MED13: variants seen among roughly 807,000 people sequenced by gnomAD.
MED13 encodes mediator complex subunit 13.
A neutral mutation model predicts 225.2 loss-of-function variants in MED13; 23 were observed. That is an observed-to-expected ratio of 0.10 (90% confidence interval 0.07 to 0.14). The LOEUF is 0.14. Ranked by LOEUF, MED13 falls within the 10% of genes least tolerant of loss-of-function variation. MED13 has a pLI of 1.00. For synonymous variants in MED13, 942 were observed against 889.2 expected (o/e 1.06, Z -1.06); for missense variants, 2,197 against 2,594.5 (o/e 0.85, Z 3.33).
chr17:62,030,076 T>C, intron 6 of MED13, 63 bp from the exon 7 acceptor site: 6 of 1,343,048 alleles, frequency 4.5e-6, no homozygotes, highest in Non-Finnish European at 5.8e-6. Context: ...TAACATTATT[T>C]GGGTTTTTTA....
intron 2 of MED13, among the ~76,000 whole-genome samples, chr17:62,057,819 C>A (rs942974756): frequency 1.3e-5 from 2 of 152,084 alleles, no homozygotes; most frequent in Non-Finnish European, 2.9e-5. Context: ...TATTTTTAGC[C>A]CTGAGTTTTT....
At chr17:62,055,078 G>A (rs1279611310) in intron 2 of MED13, among the ~76,000 whole-genome samples, 1 of 152,146 alleles carries the variant, frequency 6.6e-6, no homozygotes, top group African/African-American at 2.4e-5. Context: ...CTGAAGCCAG[G>A]TGTGGTGGCT....
rs538025240 is a variant in MED13, at chr17:61,975,528, G to A, written c.3806-2640C>T. ...GCTGGTAGTTATGTAAAATGGTGCA[G>A]CTGCTATGGAAAACAATCTGGCGGT... On this transcript the variant is annotated intron_variant, in intron 16 of 29. Transcript: ENST00000397786. Among the ~76,000 whole-genome samples, 5 of 152,284 alleles carry A rather than the reference G, an allele frequency of 3.3e-5. No homozygotes were observed. In the East Asian group the frequency reaches 9.6e-4, roughly 29 times the overall value.
rs1241871608 is a variant in MED13 at position 61,972,738 on chromosome 17, C to T, written c.3956G>A (p.Arg1319Gln). ...TATAAATTACTTACCATAAGAGCCT[C>T]GGCCAGCCATTTTATGAAATTGTTG... ...TWQQFHKMAG[R>Q]GSYGTDESPE... Residue 1319 changes from arginine (R) to glutamine (Q), a missense_variant, in exon 17 of 30, where the codon CGA becomes CAA. Around this residue, in one of 12 missense-constraint regions of MED13, gnomAD observed 47 missense variants for 93.8 expected, o/e 0.50. Coordinates refer to ENST00000397786, the MANE Select transcript of MED13 (RefSeq NM_005121.3). 2 of 1,610,648 alleles carry T rather than the reference C, an allele frequency of 1.2e-6. No homozygotes were observed. Among genetic ancestry groups the T allele is most frequent in the Non-Finnish European group, 1.7e-6 (2 of 1,179,136 alleles).
chr17:62,057,277 C>A (rs2081003040), intron 2 of MED13, among the ~76,000 whole-genome samples: 1 of 152,028 alleles, frequency 6.6e-6, no homozygotes, highest in South Asian at 2.1e-4. Flanking sequence ...CATTAATAAC[C>A]TATACATTCA....
At position 62,053,485 on chromosome 17, in the gene MED13, T is replaced by C. The variant is rs545490869; in HGVS notation, c.302-780A>G. ...ATTAACACAGTCATTTTGAGATAAGTCTGGATGTAGGTCAGAAAAATTTTT... is the reference window on the plus strand; with the variant it reads ...ATTAACACAGTCATTTTGAGATAAGCCTGGATGTAGGTCAGAAAAATTTTT... On this transcript the variant is annotated intron_variant, in intron 2 of 29. Transcript: ENST00000397786. Among the ~76,000 whole-genome samples, 74 of 152,330 alleles carry C rather than the reference T, an allele frequency of 4.9e-4. No homozygotes were observed. The South Asian group carries it at 0.01, about 21-fold the overall frequency.
In MED13 at chr17:61,982,484, A is replaced by G; in HGVS notation, c.3519T>C (p.His1173=). 1 of 1,614,218 alleles carries G rather than the reference A, an allele frequency of 6.2e-7. No individual in the cohort carries two copies. The highest frequency in any genetic ancestry group is 1.7e-5 in the Admixed American group (1 of 60,024). ...FEALRATSAE[H]VNGGLKESEK... ...CAGATTCCTTTAGTCCTCCATTAAC[A>G]TGTTCAGCAGAGGTAGCCCTGAGAG... The change falls in exon 16 of 30, where the codon CAT becomes CAC. Residue 1173 remains histidine, a synonymous_variant. Transcript: ENST00000397786.
intron 2 of MED13, among the ~76,000 whole-genome samples, chr17:62,057,401 C>G (rs1397150077): frequency 6.6e-6 from 1 of 152,086 alleles, no homozygotes; most frequent in Non-Finnish European, 1.5e-5. Flanking sequence ...AGAAGATACA[C>G]TTGATCAAAA....
intron 20 of MED13, 75 bp from the exon 21 acceptor site, chr17:61,963,046 T>C (rs543025126): frequency 2.2e-5 from 26 of 1,207,802 alleles, no homozygotes; most frequent in South Asian, 1.9e-4. Context: ...AGGTTCTTAA[T>C]ATCCCCCTCC....
chr17:62,053,971 C>T (rs2080976832), intron 2 of MED13, among the ~76,000 whole-genome samples: 1 of 152,236 alleles, frequency 6.6e-6, no homozygotes, highest in East Asian at 1.9e-4. Flanking sequence ...AAATGATAGT[C>T]AAGTCTTTCA....
chr17:62,018,821 G>A (rs1242804346), intron 8 of MED13, among the ~76,000 whole-genome samples: 2 of 152,046 alleles, frequency 1.3e-5, no homozygotes, highest in African/African-American at 4.8e-5. Context: ...ATCTGTGAGG[G>A]TTCTAGAATA....
intron 27 of MED13, 55 bp from the exon 28 acceptor site, chr17:61,951,053 G>C: frequency 2.2e-6 from 3 of 1,393,782 alleles, no homozygotes; most frequent in Admixed American, 1.9e-5. Context: ...CTAAGTACCA[G>C]ATATAAACAC....
chr17:62,054,740 A>T (rs2080983652), intron 2 of MED13, among the ~76,000 whole-genome samples: 1 of 152,216 alleles, frequency 6.6e-6, no homozygotes, highest in African/African-American at 2.4e-5. Context: ...TAGAATATAC[A>T]TGTTCTTAAT....
intron 10 of MED13, among the ~76,000 whole-genome samples, chr17:61,994,516 A>G (rs1375870068): frequency 6.6e-6 from 1 of 152,168 alleles, no homozygotes; most frequent in Non-Finnish European, 1.5e-5. Flanking sequence ...ATCTTTGAAA[A>G]CTGGTAATTC....
At chr17:62,015,937 TA>T (rs2080568424) in intron 8 of MED13, among the ~76,000 whole-genome samples, 3 of 8,924 alleles carry the variant, frequency 3.4e-4, no homozygotes, top group Non-Finnish European at 7.9e-4. Context: ...TATATATATA[TA>T]TATATATATA....
intron 10 of MED13, among the ~76,000 whole-genome samples, chr17:61,994,371 T>G (rs2080329642): frequency 6.6e-6 from 1 of 152,228 alleles, no homozygotes; most frequent in Non-Finnish European, 1.5e-5. Context: ...TTCTCATATA[T>G]TTGATTTTTA....
intron 16 of MED13, among the ~76,000 whole-genome samples, chr17:61,975,327 C>T (rs2080145042): frequency 6.6e-6 from 1 of 152,060 alleles, no homozygotes; most frequent in African/African-American, 2.4e-5. Context: ...AGAAGATATA[C>T]AAATGGACAA....
intron 16 of MED13, among the ~76,000 whole-genome samples, chr17:61,980,829 G>GC (rs1031234890): frequency 2.6e-5 from 4 of 151,644 alleles, no homozygotes; most frequent in Non-Finnish European, 5.9e-5. Context: ...CACAACCTCC[G>GC]CCCCCCAGGT....
chr17:62,002,034 T>C (rs934973760), intron 9 of MED13, among the ~76,000 whole-genome samples: 3 of 151,970 alleles, frequency 2.0e-5, no homozygotes, highest in East Asian at 1.9e-4. Context: ...AAAATAATAA[T>C]AGATATTTAC....
Sources: allele counts gnomAD v4.1 joint callset (sites outside exome capture counted in the v4.1 genomes callset), GRCh38; gene constraint gnomAD v4.1.1; regional missense constraint gnomAD v4.1.1; transcripts MANE v1.5; gene names NCBI Gene and HGNC (gene_info 2026-07-23, HGNC 2026-07-21).